Variants in UGT1A1 observed in about 807,000 individuals in gnomAD.
The protein encoded by UGT1A1 is UDP glucuronosyltransferase family 1 member A1.
UGT1A1 carries 33 observed loss-of-function variants against 40.6 expected under a neutral mutation model. The ratio of observed to expected loss-of-function variants is 0.81; its 90% CI spans 0.62 to 1.09. The LOEUF is 1.09. Among genes scored for constraint, UGT1A1 ranks in the 50% least tolerant of loss-of-function variants. UGT1A1 has a pLI of 0.00. For synonymous variants in UGT1A1, 249 were observed against 265.0 expected (o/e 0.94, Z 0.59); for missense variants, 694 against 671.2 (o/e 1.03, Z -0.38).
intron 3 of UGT1A1, 43 bp from the exon 4 acceptor site, chr2:233,768,177 T>A (rs371628620): frequency 6.8e-6 from 11 of 1,613,824 alleles, no homozygotes; most frequent in Non-Finnish European, 9.3e-6. Flanking sequence ...GCTGTGAAAC[T>A]CAGAGATGTA....
chr2:233,769,616 G>A lies in UGT1A1; in HGVS notation c.1304+1177G>A, dbSNP rs2126047271. The stretch of plus-strand genomic sequence containing the variant: ...ACGGAACACGGGGACACACCAGCTT[G>A]AGCAAGGGACAACAGGGGAGGACTG... On this transcript the variant is annotated intron_variant, in intron 4 of 4. Transcript: ENST00000305208. This position sits in a 1 kb window ranked among gnomAD's most constrained non-coding sequence, Gnocchi z 4.4. The A allele has an allele frequency of 1.9e-6, 3 of 1,612,698 alleles. No individual in the cohort carries two copies. Among genetic ancestry groups the A allele is most frequent in the East Asian group, 4.5e-5 (2 of 44,884 alleles).
At chr2:233,764,822 A>G (rs963945721) in intron 1 of UGT1A1, among the ~76,000 whole-genome samples, 3 of 152,082 alleles carry the variant, frequency 2.0e-5, no homozygotes, top group Non-Finnish European at 4.4e-5. Flanking sequence ...AAAATGCAGC[A>G]TGGTGGTGGG....
At position 233,768,551 on chromosome 2, in the gene UGT1A1, A is replaced by G. The variant is rs1699641302; in HGVS notation, c.1304+112A>G. The G allele has an allele frequency of 4.1e-6, 6 of 1,478,370 alleles. No individual in the cohort carries two copies. The East Asian group carries it at 1.5e-4, about 37-fold the overall frequency. 91.6% of individuals were successfully genotyped at this position (1,478,370 alleles called of 1,614,324 possible). A position where few individuals can be genotyped will look rare whatever the true frequency, so the allele number is the denominator to read the frequency against. The stretch of plus-strand genomic sequence containing the variant: ...ATAGCGTTGTTTCAAATATAAAAAC[A>G]AATACATAAAAATCTGGATTTTTAT... On this transcript the variant is annotated intron_variant, in intron 4 of 4. Transcript: ENST00000305208.
At chr2:233,766,983 C>T (rs1040066735) in intron 1 of UGT1A1, 51 bp from the exon 2 acceptor site, 20 of 1,612,672 alleles carry the variant, frequency 1.2e-5, no homozygotes, top group Non-Finnish European at 1.7e-5. Flanking sequence ...TGTATGTAGT[C>T]ATCAAAGAAT....
At position 233,769,585 on chromosome 2, in the gene UGT1A1, G is replaced by A; in HGVS notation, c.1304+1146G>A. On this transcript the variant is annotated intron_variant, in intron 4 of 4. Transcript: ENST00000305208. This position sits in a 1 kb window ranked among gnomAD's most constrained non-coding sequence, Gnocchi z 4.4. ...GAAGAGCTGGAGCATGTTCAGATGA[G>A]AGGAGACGGAACACGGGGACACACC... is the stretch of plus-strand genomic sequence containing the variant. 1.2e-6 allele frequency: 2 copies of A among 1,612,920 alleles called. No individual in the cohort carries two copies. Among genetic ancestry groups the A allele is most frequent in the Non-Finnish European group, 1.7e-6 (2 of 1,179,890 alleles).
chr2:233,761,904 G>A (rs887991064), intron 1 of UGT1A1, among the ~76,000 whole-genome samples: 2 of 152,234 alleles, frequency 1.3e-5, no homozygotes, highest in Non-Finnish European at 2.9e-5. Context: ...AAGATTGGCT[G>A]AGGATCTACT....
chr2:233,769,597 C>T lies in UGT1A1; in HGVS notation c.1304+1158C>T, dbSNP rs772266725. 4 of 1,612,818 alleles carry T rather than the reference C, an allele frequency of 2.5e-6. No individual in the cohort carries two copies. Among genetic ancestry groups the T allele is most frequent in the Non-Finnish European group, 3.4e-6 (4 of 1,179,876 alleles). On this transcript the variant is annotated intron_variant, in intron 4 of 4. Transcript: ENST00000305208. The surrounding 1 kb of genome is among the most constrained non-coding windows in gnomAD (Gnocchi z 4.4). ...CATGTTCAGATGAGAGGAGACGGAACACGGGGACACACCAGCTTGAGCAAG... is the reference window on the plus strand; with the variant it reads ...CATGTTCAGATGAGAGGAGACGGAATACGGGGACACACCAGCTTGAGCAAG...
chr2:233,772,912 C>A lies in UGT1A1; in HGVS notation c.*353C>A. 2.6e-6 allele frequency: 1 copy of A among 388,966 alleles called. No individual in the cohort carries two copies. The highest frequency in any genetic ancestry group is 4.5e-6 in the Non-Finnish European group (1 of 221,770). The allele number at this position is 388,966 out of a possible 1,614,324, so 24.1% of individuals were successfully genotyped here. ...GGTGGTCCCACGGCTGCCCCTACTGCAAATGGCAGTTTTAATCTTATCTTT... is the reference window on the plus strand; with the variant it reads ...GGTGGTCCCACGGCTGCCCCTACTGAAAATGGCAGTTTTAATCTTATCTTT... On this transcript the variant is annotated 3_prime_UTR_variant, in exon 5 of 5. Coordinates refer to ENST00000305208, the MANE Select transcript of UGT1A1 (RefSeq NM_000463.3).
chr2:233,769,633 G>A lies in UGT1A1; in HGVS notation c.1304+1194G>A. ...ACCAGCTTGAGCAAGGGACAACAGG[G>A]GAGGACTGATGACTGACTTCCCACC... On this transcript the variant is annotated intron_variant, in intron 4 of 4. Transcript: ENST00000305208. The surrounding 1 kb of genome is among the most constrained non-coding windows in gnomAD (Gnocchi z 4.4). The A allele has an allele frequency of 1.2e-6, 2 of 1,611,454 alleles. No individual in the cohort carries two copies. Among genetic ancestry groups the A allele is most frequent in the East Asian group, 4.5e-5 (2 of 44,858 alleles).
In UGT1A1 at chr2:233,769,639, C is replaced by T; in HGVS notation, c.1304+1200C>T. 2.5e-6 allele frequency: 4 copies of T among 1,609,972 alleles called. No homozygotes were observed. The highest frequency in any genetic ancestry group is 1.3e-5 in the African/African-American group (1 of 75,022). The stretch of plus-strand genomic sequence containing the variant: ...TTGAGCAAGGGACAACAGGGGAGGA[C>T]TGATGACTGACTTCCCACCTTTGAG... On this transcript the variant is annotated intron_variant, in intron 4 of 4. Transcript: ENST00000305208. This position sits in a 1 kb window ranked among gnomAD's most constrained non-coding sequence, Gnocchi z 4.4.
Position 233,773,149 on chromosome 2 carries a change from G to A in UGT1A1, c.*590G>A, listed in dbSNP as rs1700568248. On this transcript the variant is annotated 3_prime_UTR_variant, in exon 5 of 5. Coordinates refer to ENST00000305208, the MANE Select transcript of UGT1A1 (RefSeq NM_000463.3). ...AAGAATGATGCTATGAAATTGGTGG[G>A]TGGTGTATTTGAGAAGATAATCATT... 1 of 154,230 alleles carries A rather than the reference G, an allele frequency of 6.5e-6. No individual in the cohort carries two copies. The highest frequency in any genetic ancestry group is 6.4e-5 in the Admixed American group (1 of 15,708). The allele number at this position is 154,230 out of a possible 1,614,324, so 9.6% of individuals were successfully genotyped here.
rs768704616 is a variant in UGT1A1 at position 233,772,137 on chromosome 2, T to G, written c.1305-125T>G. On this transcript the variant is annotated intron_variant, in intron 4 of 4. Transcript: ENST00000305208. Reference sequence around the variant, plus strand: ...CTAAAAACAACAACAACAACAATAATAGAAACAGGTTTCCTTTCCCAAGTT... The same window carrying G: ...CTAAAAACAACAACAACAACAATAAGAGAAACAGGTTTCCTTTCCCAAGTT... 6.0e-5 allele frequency: 93 copies of G among 1,547,684 alleles called. 1 individual carries two copies. The highest frequency in any genetic ancestry group is 4.6e-4 in the Middle Eastern group (2 of 4,368).
rs1028385252 is a variant in UGT1A1 at position 233,772,759 on chromosome 2, C to T, written c.*200C>T. On this transcript the variant is annotated 3_prime_UTR_variant, in exon 5 of 5. Transcript: ENST00000305208. ...TCAGTAAAGATATTTGAATATGTAT[C>T]GTGCCCCCTCTGGTGTCTTTGATCA... is the stretch of plus-strand genomic sequence containing the variant. 2.3e-5 allele frequency: 32 copies of T among 1,393,958 alleles called. No individual in the cohort carries two copies. In the Admixed American group the frequency reaches 4.6e-4, roughly 20 times the overall value. The allele number at this position is 1,393,958 out of a possible 1,614,324, so 86.3% of individuals were successfully genotyped here. A position where few individuals can be genotyped will look rare whatever the true frequency, so the allele number is the denominator to read the frequency against.
chr2:233,760,301 C>G lies in UGT1A1; in HGVS notation c.14C>G (p.Ser5Cys), dbSNP rs1697391714. MAVE[S>C]QGGRPLVLGL... ...AGCAAAGGCGCCATGGCTGTGGAGT[C>G]CCAGGGCGGACGCCCACTTGTCCTG... The change falls in exon 1 of 5, where the codon TCC becomes TGC. Residue 5 changes from serine to cysteine, a missense_variant. Physicochemically the swap from Ser to Cys is moderately radical, Grantham distance 112. Coordinates refer to ENST00000305208, the MANE Select transcript of UGT1A1 (RefSeq NM_000463.3). 6.2e-7 allele frequency: 1 copy of G among 1,613,532 alleles called. No individual in the cohort carries two copies. Among genetic ancestry groups the G allele is most frequent in the South Asian group, 1.1e-5 (1 of 91,034 alleles).
chr2:233,772,311 G>T lies in UGT1A1; in HGVS notation c.1354G>T (p.Val452Leu), dbSNP rs587784536. 12 of 1,614,228 alleles carry T rather than the reference G, an allele frequency of 7.4e-6. No homozygotes were observed. In the Admixed American group the frequency reaches 1.5e-4, roughly 20 times the overall value. Residue 452 changes from valine (V) to leucine (L), a missense_variant, in exon 5 of 5, where the codon GTG becomes TTG. Transcript: ENST00000305208. ...RLSSLHKDRP[V>L]EPLDLAVFWV... ...CTCCAGCCTTCACAAGGACCGCCCG[G>T]TGGAGCCGCTGGACCTGGCCGTGTT...
Position 233,772,929 on chromosome 2 carries a change from C to G in UGT1A1, c.*370C>G, listed in dbSNP as rs1186146273. On this transcript the variant is annotated 3_prime_UTR_variant, in exon 5 of 5. Transcript: ENST00000305208. ...CCCTACTGCAAATGGCAGTTTTAAT[C>G]TTATCTTTTGGCTTCTGCAGATGGT... is the stretch of plus-strand genomic sequence containing the variant. The G allele has an allele frequency of 2.8e-6, 1 of 355,154 alleles. No homozygotes were observed. The highest frequency in any genetic ancestry group is 4.3e-5 in the Admixed American group (1 of 23,230). 22.0% of individuals were successfully genotyped at this position (355,154 alleles called of 1,614,324 possible). A position where few individuals can be genotyped will look rare whatever the true frequency, so the allele number is the denominator to read the frequency against.
In UGT1A1 at chr2:233,769,373, C is replaced by T. The variant is rs1030548501; in HGVS notation, c.1304+934C>T. On this transcript the variant is annotated intron_variant, in intron 4 of 4. Coordinates refer to ENST00000305208, the MANE Select transcript of UGT1A1 (RefSeq NM_000463.3). The surrounding 1 kb of genome is among the most constrained non-coding windows in gnomAD (Gnocchi z 4.4). The stretch of plus-strand genomic sequence containing the variant: ...AGAAGTGGTGGCCAGTGGTAGATTT[C>T]ATCCGACAATAGATACTGTGTGCAT... Among the ~76,000 whole-genome samples, 1 of 152,206 alleles carries T rather than the reference C, an allele frequency of 6.6e-6. No individual in the cohort carries two copies. The highest frequency in any genetic ancestry group is 2.4e-5 in the African/African-American group (1 of 41,452).
intron 1 of UGT1A1, 29 bp from the exon 2 acceptor site, chr2:233,767,005 T>A: frequency 1.2e-6 from 2 of 1,613,726 alleles, no homozygotes; most frequent in Non-Finnish European, 1.7e-6. Flanking sequence ...TGAGAAAAAA[T>A]TAACTGAAAA....
chr2:233,760,321 G>A lies in UGT1A1; in HGVS notation c.34G>A (p.Val12Ile). ...AVESQGGRPL[V>I]LGLLLCVLGP... ...GGAGTCCCAGGGCGGACGCCCACTT[G>A]TCCTGGGCCTGCTGCTGTGTGTGCT... Residue 12 changes from valine (V) to isoleucine (I), a missense_variant, in exon 1 of 5, where the codon GTC (valine) becomes ATC (isoleucine). Coordinates refer to ENST00000305208, the MANE Select transcript of UGT1A1 (RefSeq NM_000463.3). 6.2e-7 allele frequency: 1 copy of A among 1,614,014 alleles called. No homozygotes were observed. The highest frequency in any genetic ancestry group is 8.5e-7 in the Non-Finnish European group (1 of 1,179,976).
Sources: allele counts gnomAD v4.1 joint callset (sites outside exome capture counted in the v4.1 genomes callset), GRCh38; gene constraint gnomAD v4.1.1; non-coding constraint Gnocchi (gnomAD v3.1); transcripts MANE v1.5; gene names NCBI Gene and HGNC (gene_info 2026-07-23, HGNC 2026-07-21).